The following NAALADL2 variants were observed in gnomAD, a reference collection of about 807,000 sequenced individuals.
NAALADL2 encodes inactive N-acetylated-alpha-linked acidic dipeptidase-like protein 2.
A neutral mutation model predicts 87.2 loss-of-function variants in NAALADL2; 76 were observed. The observed-to-expected ratio is 0.87, with a 90% CI of 0.72 to 1.05. The LOEUF (loss-of-function observed/expected upper bound fraction) is 1.05, where lower values mean the gene tolerates loss of function less well. NAALADL2 is among the 50% of genes least tolerant of loss of function. The probability of loss-of-function intolerance (pLI) is 0.00; values close to 1 mark genes in which losing one functional copy is unlikely to be tolerated. For synonymous variants in NAALADL2, 354 were observed against 331.0 expected, an observed-to-expected ratio of 1.07 and a Z score of -0.75; for missense variants, 1,089 against 945.8, an observed-to-expected ratio of 1.15 and a Z score of -1.99.
At position 174,746,600 on chromosome 3, in the gene NAALADL2, C is replaced by T. The variant is rs189487456; in HGVS notation, c.-9+8854C>T. 3.2e-4 allele frequency among the ~76,000 whole-genome samples: 48 copies of T among 151,554 alleles called. No homozygotes were observed. The East Asian group carries it at 3.3e-3, about 10-fold the overall frequency. On this transcript the variant is annotated intron_variant, in intron 3 of 3. Coordinates refer to the NAALADL2 transcript ENST00000434257. Reference sequence around the variant, plus strand: ...AAAAAGCTTTAAAATTTATATAAAACGAAAAAAGAGTTGATATAGCTAAGA... The same window carrying T: ...AAAAAGCTTTAAAATTTATATAAAATGAAAAAAGAGTTGATATAGCTAAGA...
At chr3:174,915,604 A>G (rs1734264033) in intron 1 of NAALADL2, among the ~76,000 whole-genome samples, 1 of 152,118 alleles carries the variant, frequency 6.6e-6, no homozygotes, top group African/African-American at 2.4e-5. Context: ...TATATTTATT[A>G]GAGAAATTGA....
rs114923714 is a variant in NAALADL2, at chr3:175,514,586, G to A, written c.1653+42828G>A. On this transcript the variant is annotated intron_variant, in intron 9 of 13. Transcript: ENST00000454872. The stretch of plus-strand genomic sequence containing the variant: ...CTGTTTCTGTATTATCCTCTCTTCC[G>A]GTTGGAATGCACCAAAAGTGCATGT... Among the ~76,000 whole-genome samples the A allele has an allele frequency of 2.6e-3, 392 of 152,118 alleles. 4 individuals carry two copies. The highest frequency in any genetic ancestry group is 8.0e-3 in the African/African-American group (334 of 41,496).
At chr3:174,720,770 G>C (rs982900608) in intron 2 of NAALADL2, among the ~76,000 whole-genome samples, 1 of 152,140 alleles carries the variant, frequency 6.6e-6, no homozygotes, top group African/African-American at 2.4e-5. Context: ...ACATCACTAG[G>C]AGTACATTTT....
intron 5 of NAALADL2, among the ~76,000 whole-genome samples, chr3:175,374,183 T>C (rs1326708747): frequency 6.6e-6 from 1 of 152,154 alleles, no homozygotes; most frequent in Non-Finnish European, 1.5e-5. Flanking sequence ...TTATTGCTCA[T>C]ATTTTTAATA....
intron 1 of NAALADL2, among the ~76,000 whole-genome samples, chr3:174,962,383 T>TATATGTCATAGTGACTATGAC (rs61605620): frequency 5.1e-5 from 6 of 116,930 alleles, no homozygotes; most frequent in African/African-American, 2.5e-4. Flanking sequence ...TATATATATA[T>TATATGTCATAGTGACTATGAC]ATATATATAT....
rs973261812 is a variant in NAALADL2, at chr3:175,458,309, A to G, written c.1235-5092A>G. Reference sequence around the variant, plus strand: ...TATTTTAATATTACATTTGTATGTAAGTATATAAAAATATATCTATACACT... The same window carrying G: ...TATTTTAATATTACATTTGTATGTAGGTATATAAAAATATATCTATACACT... On this transcript the variant is annotated intron_variant, in intron 6 of 13. Coordinates refer to ENST00000454872, the MANE Select transcript of NAALADL2 (RefSeq NM_207015.3). Among the ~76,000 whole-genome samples the G allele has an allele frequency of 2.9e-4, 44 of 151,892 alleles. 4 individuals are homozygous for G. Among genetic ancestry groups the G allele is most frequent in the Admixed American group, 1.5e-3 (23 of 15,226 alleles).
At chr3:174,681,242 T>TAA (rs1215254451) in intron 2 of NAALADL2, among the ~76,000 whole-genome samples, 6 of 152,146 alleles carry the variant, frequency 3.9e-5, no homozygotes, top group Non-Finnish European at 7.3e-5. Context: ...GGGTCCAGAA[T>TAA]AAACTCAAAA....
At chr3:175,392,452 A>C (rs1316545844) in intron 5 of NAALADL2, among the ~76,000 whole-genome samples, 1 of 152,194 alleles carries the variant, frequency 6.6e-6, no homozygotes, top group Non-Finnish European at 1.5e-5. Flanking sequence ...GGAAATATGA[A>C]ATCATAGCTC....
chr3:175,455,300 G>A (rs930097689), intron 6 of NAALADL2, among the ~76,000 whole-genome samples: 1 of 152,034 alleles, frequency 6.6e-6, no homozygotes, highest in African/African-American at 2.4e-5. Flanking sequence ...TTCTCCTGGG[G>A]TAAGGTTAAT....
chr3:175,289,582 A>G (rs1461652480), intron 4 of NAALADL2, among the ~76,000 whole-genome samples: 1 of 144,840 alleles, frequency 6.9e-6, no homozygotes, highest in African/African-American at 2.6e-5. Flanking sequence ...TTCTTAGAAC[A>G]CATATAGCCT....
intron 3 of NAALADL2, among the ~76,000 whole-genome samples, chr3:174,784,025 G>A (rs184325120): frequency 6.6e-6 from 1 of 151,990 alleles, no homozygotes; most frequent in Non-Finnish European, 1.5e-5. Flanking sequence ...CCCAAAGAAA[G>A]AATAACTCAA....
At chr3:174,485,212 C>T (rs1717777926) in intron 1 of NAALADL2, among the ~76,000 whole-genome samples, 1 of 151,872 alleles carries the variant, frequency 6.6e-6, no homozygotes, top group African/African-American at 2.4e-5. Flanking sequence ...TTAGCATTTA[C>T]ATTGCATGAG....
At chr3:175,298,148 A>T (rs550623812) in intron 4 of NAALADL2, among the ~76,000 whole-genome samples, 1 of 152,274 alleles carries the variant, frequency 6.6e-6, no homozygotes, top group Middle Eastern at 3.4e-3. Context: ...TTAATGAATG[A>T]ATTTTTCATA....
intron 3 of NAALADL2, among the ~76,000 whole-genome samples, chr3:174,834,822 T>C (rs1398222820): frequency 6.7e-6 from 1 of 150,128 alleles, no homozygotes; most frequent in African/African-American, 2.4e-5. Flanking sequence ...CCATGTTTAT[T>C]GGTTAGAAGA....
At chr3:175,616,012 ATATT>A in intron 10 of NAALADL2, among the ~76,000 whole-genome samples, 1 of 147,224 alleles carries the variant, frequency 6.8e-6, no homozygotes, top group Middle Eastern at 3.8e-3. Context: ...ATTATAATAC[ATATT>A]TATATATTAC....
chr3:174,557,287 C>A (rs1014143638), intron 2 of NAALADL2, among the ~76,000 whole-genome samples: 8 of 152,038 alleles, frequency 5.3e-5, no homozygotes, highest in Admixed American at 4.6e-4. Flanking sequence ...AAAAATACAA[C>A]TTTATTTTTA....
At chr3:174,538,011 C>A (rs201332299) in intron 1 of NAALADL2, among the ~76,000 whole-genome samples, 4 of 151,892 alleles carry the variant, frequency 2.6e-5, no homozygotes, top group Non-Finnish European at 5.9e-5. Context: ...GTACTTTACA[C>A]AGAGGCTCTT....
At chr3:175,494,476 G>T (rs1188816232) in intron 9 of NAALADL2, among the ~76,000 whole-genome samples, 2 of 152,044 alleles carry the variant, frequency 1.3e-5, no homozygotes, top group African/African-American at 4.8e-5. Context: ...AGTTCCTAGG[G>T]AGACTTACAA....
intron 9 of NAALADL2, among the ~76,000 whole-genome samples, chr3:175,510,401 T>C (rs572618866): frequency 6.6e-6 from 1 of 152,300 alleles, no homozygotes; most frequent in East Asian, 1.9e-4. Context: ...GTGTCTCAGT[T>C]TTGTTCATTC....
Sources: gnomAD v4.1 joint callset for allele counts (sites outside exome capture counted in the v4.1 genomes callset) on GRCh38, gnomAD v4.1.1 for gene constraint, MANE v1.5 for transcripts, NCBI Gene and HGNC (gene_info 2026-07-23, HGNC 2026-07-21) for gene names.